DIP2C: variants seen among roughly 807,000 people sequenced by gnomAD.
DIP2C encodes DIP2 acetate--CoA ligase C (putative), also known as disco-interacting protein 2 homolog C.
DIP2C carries 33 observed loss-of-function variants against 192.4 expected under a neutral mutation model. The ratio of observed to expected loss-of-function variants is 0.17; its 90% CI spans 0.13 to 0.23. The LOEUF (loss-of-function observed/expected upper bound fraction) is 0.23, where lower values mean the gene tolerates loss of function less well. Among genes scored for constraint, DIP2C ranks in the 10% least tolerant of loss-of-function variants. The pLI is 1.00. For synonymous variants in DIP2C, 979 were observed against 864.1 expected, an observed-to-expected ratio of 1.13 and a Z score of -2.33; for missense variants, 1,537 against 2,110.1, an observed-to-expected ratio of 0.73 and a Z score of 5.32.
At chr10:395,087 C>G (rs1316759789) in intron 10 of DIP2C, among the ~76,000 whole-genome samples, 3 of 120,508 alleles carry the variant, frequency 2.5e-5, no homozygotes, top group Non-Finnish European at 4.9e-5. Flanking sequence ...GAATGGTGAC[C>G]ACGAGGGCTG....
intron 5 of DIP2C, among the ~76,000 whole-genome samples, chr10:422,243 G>T (rs12254690): frequency 2.0e-5 from 3 of 152,072 alleles, no homozygotes; most frequent in Non-Finnish European, 2.9e-5. Flanking sequence ...GCAGAGCGAC[G>T]TGAGGCCCAT....
At chr10:456,614 G>A (rs536054909) in intron 3 of DIP2C, among the ~76,000 whole-genome samples, 2 of 152,224 alleles carry the variant, frequency 1.3e-5, no homozygotes, top group Non-Finnish European at 2.9e-5. Context: ...AGAAAGCCAA[G>A]CCTGGGAGAA....
chr10:534,671 ATT>A (rs398045806), intron 1 of DIP2C, among the ~76,000 whole-genome samples: 3 of 101,798 alleles, frequency 2.9e-5, no homozygotes, highest in Non-Finnish European at 2.5e-5. Flanking sequence ...GATGATTATT[ATT>A]TTTTTTTTTT....
intron 1 of DIP2C, among the ~76,000 whole-genome samples, chr10:606,932 G>A (rs1169221592): frequency 6.6e-6 from 1 of 152,112 alleles, no homozygotes; most frequent in Non-Finnish European, 1.5e-5. Context: ...GGCCTTCCAA[G>A]CAACTAGGCA....
chr10:461,713 A>T (rs942500659), intron 3 of DIP2C, among the ~76,000 whole-genome samples: 6 of 152,212 alleles, frequency 3.9e-5, no homozygotes, highest in African/African-American at 1.4e-4. Flanking sequence ...TCTCCACCCC[A>T]AATCAATAGG....
rs1334415472 is a variant in DIP2C, at chr10:362,664, C to T, written c.2620G>A (p.Val874Ile). The part of the protein sequence containing the change: ...QAIDSIHQVG[V>I]YCLALVPANT... ...GCTGGCACCAAGGCCAGGCAATAAACTCCAACTTGATGTATACTGTCAATC... is the reference window on the plus strand; with the variant it reads ...GCTGGCACCAAGGCCAGGCAATAAATTCCAACTTGATGTATACTGTCAATC... Residue 874 changes from valine (V) to isoleucine (I), a missense_variant, in exon 22 of 37, where the codon GTT (valine) becomes ATT (isoleucine). Physicochemically the swap from Val to Ile is conservative, Grantham distance 29 (BLOSUM62 3). Transcript: ENST00000280886. 5.0e-6 allele frequency: 8 copies of T among 1,613,212 alleles called. No individual in the cohort carries two copies. In the South Asian group the frequency reaches 8.8e-5, roughly 18 times the overall value.
chr10:518,530 G>A (rs1044107700), intron 1 of DIP2C, among the ~76,000 whole-genome samples: 2 of 152,314 alleles, frequency 1.3e-5, no homozygotes, highest in East Asian at 1.9e-4. Flanking sequence ...CCCCATGAAT[G>A]GGGTTTGTGC....
At chr10:335,992 A>G (rs1046078078) in intron 29 of DIP2C, among the ~76,000 whole-genome samples, 1 of 152,106 alleles carries the variant, frequency 6.6e-6, no homozygotes, top group Non-Finnish European at 1.5e-5. Flanking sequence ...TCAACCACCC[A>G]GGCTCAAGTG....
chr10:438,429 A>G (rs1342439304), intron 4 of DIP2C, among the ~76,000 whole-genome samples: 8 of 152,242 alleles, frequency 5.3e-5, no homozygotes, highest in Non-Finnish European at 1.2e-4. Flanking sequence ...GAACACATAC[A>G]AATAACATTT....
intron 1 of DIP2C, among the ~76,000 whole-genome samples, chr10:532,720 TGAGAGAGAGTATGGGTGTGA>T (rs1366286898): frequency 1.9e-5 from 2 of 105,160 alleles, no homozygotes; most frequent in African/African-American, 6.4e-5. Flanking sequence ...AGTATGGGTG[TGAGAGAGAGTATGGGTGTGA>T]GAGAGAGTAT....
chr10:413,092 T>C (rs1393173067), intron 8 of DIP2C, among the ~76,000 whole-genome samples: 1 of 152,016 alleles, frequency 6.6e-6, no homozygotes, highest in Non-Finnish European at 1.5e-5. Context: ...CTGCCTCAGC[T>C]CCCAAGCAGC....
rs1021964253 is a variant in DIP2C at position 274,987 on chromosome 10, T to A, written c.*2338A>T. On this transcript the variant is annotated 3_prime_UTR_variant, in exon 37 of 37. Coordinates refer to ENST00000280886, the MANE Select transcript of DIP2C (RefSeq NM_014974.3). ...TCTCTTGCACAACCAAATTTCAATC[T>A]CAGTCCACCAACTCTTTTGAGCCTA... is the stretch of plus-strand genomic sequence containing the variant. The A allele has an allele frequency of 2.0e-5, 3 of 152,232 alleles. No homozygotes were observed. The highest frequency in any genetic ancestry group is 7.2e-5 in the African/African-American group (3 of 41,462). The allele number at this position is 152,232 out of a possible 1,614,324, so 9.4% of individuals were successfully genotyped here. A position where few individuals can be genotyped will look rare whatever the true frequency, so the allele number is the denominator to read the frequency against.
chr10:492,567 C>T (rs1382798847), intron 1 of DIP2C, among the ~76,000 whole-genome samples: 1 of 152,178 alleles, frequency 6.6e-6, no homozygotes, highest in African/African-American at 2.4e-5. Context: ...TAGTGCCTAG[C>T]GCCCCGCACT....
In DIP2C at chr10:651,367, G is replaced by A. The variant is rs556715471; in HGVS notation, c.85+38127C>T. 50 of 701,950 alleles carry A rather than the reference G, an allele frequency of 7.1e-5. 2 individuals are homozygous for A. Among genetic ancestry groups the A allele is most frequent in the South Asian group, 7.0e-4 (47 of 66,756 alleles). The allele number at this position is 701,950 out of a possible 1,614,324, so 43.5% of individuals were successfully genotyped here. On this transcript the variant is annotated intron_variant, in intron 1 of 36. Transcript: ENST00000280886. This position sits in a 1 kb window ranked among gnomAD's most constrained non-coding sequence, Gnocchi z 4.1. ...TTTGCATCCCCAGCACTGTGCTCAG[G>A]TCCCAGGGAGGCCCCAGCAAACTGT...
chr10:502,849 C>T (rs893238624), intron 1 of DIP2C, among the ~76,000 whole-genome samples: 1 of 152,096 alleles, frequency 6.6e-6, no homozygotes, highest in Admixed American at 6.5e-5. Flanking sequence ...GCCACGAGTC[C>T]AAGGAGAAGC....
chr10:486,914 C>G (rs1844058996), intron 1 of DIP2C, among the ~76,000 whole-genome samples: 1 of 152,230 alleles, frequency 6.6e-6, no homozygotes, highest in Non-Finnish European at 1.5e-5. Context: ...ATGGCCGACA[C>G]CAGCACCTAT....
At chr10:554,287 A>C (rs1848733703) in intron 1 of DIP2C, among the ~76,000 whole-genome samples, 2 of 152,268 alleles carry the variant, frequency 1.3e-5, no homozygotes, top group Non-Finnish European at 2.9e-5. Flanking sequence ...AAGAGTGGTG[A>C]ACAGGACAGA....
rs573059634 is a variant in DIP2C, at chr10:555,724, G to A, written c.86-69194C>T. Among the ~76,000 whole-genome samples, 5 of 152,246 alleles carry A rather than the reference G, an allele frequency of 3.3e-5. No homozygotes were observed. The East Asian group carries it at 5.8e-4, about 18-fold the overall frequency. ...CGTTAATCAGAGAATCTAAAGGCAGGCAAACTATGAAAAGAATCTATAGAG... is the reference window on the plus strand; with the variant it reads ...CGTTAATCAGAGAATCTAAAGGCAGACAAACTATGAAAAGAATCTATAGAG... On this transcript the variant is annotated intron_variant, in intron 1 of 36. Coordinates refer to ENST00000280886, the MANE Select transcript of DIP2C (RefSeq NM_014974.3).
At chr10:446,035 ATACATCTGTT>A (rs1335240046) in intron 3 of DIP2C, among the ~76,000 whole-genome samples, 1 of 150,544 alleles carries the variant, frequency 6.6e-6, no homozygotes, top group Non-Finnish European at 1.5e-5. Context: ...GGACATCTGT[ATACATCTGTT>A]GTGAAGAGTC....
Sources: allele counts gnomAD v4.1 joint callset (sites outside exome capture counted in the v4.1 genomes callset), GRCh38; gene constraint gnomAD v4.1.1; non-coding constraint Gnocchi (gnomAD v3.1); transcripts MANE v1.5; gene names NCBI Gene and HGNC (gene_info 2026-07-23, HGNC 2026-07-21).